The following DPP4 variants were observed in gnomAD, a reference collection of about 807,000 sequenced individuals.
DPP4 encodes the protein ADCP-2.
A neutral mutation model predicts 122.4 loss-of-function variants in DPP4; 93 were observed. The ratio of observed to expected loss-of-function variants is 0.76; its 90% CI spans 0.64 to 0.90. The LOEUF (loss-of-function observed/expected upper bound fraction) is 0.90, where lower values mean the gene tolerates loss of function less well. DPP4 is among the 40% of genes least tolerant of loss of function. The pLI is 0.00. For synonymous variants in DPP4, 321 were observed against 302.9 expected (o/e 1.06, Z -0.62); for missense variants, 914 against 907.3 (o/e 1.01, Z -0.09).
At chr2:162,041,234 A>C (rs1449029725) in intron 5 of DPP4, among the ~76,000 whole-genome samples, 1 of 152,160 alleles carries the variant, frequency 6.6e-6, no homozygotes. Flanking sequence ...GCATATAAAA[A>C]TTAAAGGTAT....
At chr2:162,037,411 G>C (rs1187083463) in intron 8 of DPP4, among the ~76,000 whole-genome samples, 1 of 152,098 alleles carries the variant, frequency 6.6e-6, no homozygotes, top group Non-Finnish European at 1.5e-5. Context: ...CTTATTTCTA[G>C]GACATGAAAA....
chr2:162,047,697 G>A (rs546174264), intron 2 of DPP4, among the ~76,000 whole-genome samples, 196 bp from the exon 3 acceptor site: 1 of 152,292 alleles, frequency 6.6e-6, no homozygotes, highest in East Asian at 1.9e-4. Flanking sequence ...TGAAGTGTGT[G>A]AGAGTGTGTG....
At chr2:162,022,102 A>G (rs1235876690) in intron 12 of DPP4, among the ~76,000 whole-genome samples, 5 of 152,216 alleles carry the variant, frequency 3.3e-5, no homozygotes. Flanking sequence ...GCAAGGTGAC[A>G]TGATGACTGG....
intron 20 of DPP4, among the ~76,000 whole-genome samples, chr2:162,010,178 T>C (rs1353221982): frequency 6.6e-6 from 1 of 152,150 alleles, no homozygotes; most frequent in Non-Finnish European, 1.5e-5. Context: ...CTTTGTAAAA[T>C]TGAAGGAGGC....
chr2:162,060,084 G>A (rs988592361), intron 2 of DPP4, among the ~76,000 whole-genome samples: 3 of 152,182 alleles, frequency 2.0e-5, no homozygotes, highest in Admixed American at 1.3e-4. Flanking sequence ...GCAATATGGC[G>A]CCAAAGCCTG....
chr2:162,013,223 A>G (rs551021055), intron 19 of DPP4, among the ~76,000 whole-genome samples: 1 of 152,226 alleles, frequency 6.6e-6, no homozygotes, highest in East Asian at 1.9e-4. Context: ...ATTTTTTAAA[A>G]CCTTTTCTAA....
intron 2 of DPP4, among the ~76,000 whole-genome samples, chr2:162,052,197 A>C (rs1046351174): frequency 2.6e-5 from 4 of 151,914 alleles, no homozygotes; most frequent in Non-Finnish European, 5.9e-5. Context: ...ACATGTCTGC[A>C]ATCCCAGCTA....
intron 2 of DPP4, among the ~76,000 whole-genome samples, chr2:162,050,944 C>T (rs777516364): frequency 1.3e-5 from 2 of 152,174 alleles, no homozygotes; most frequent in Non-Finnish European, 2.9e-5. Context: ...TTTCTTAGTT[C>T]GGCCTGGGAC....
At chr2:162,038,117 T>C (rs1283414039) in intron 8 of DPP4, among the ~76,000 whole-genome samples, 185 bp downstream of exon 8, 3 of 152,194 alleles carry the variant, frequency 2.0e-5, no homozygotes, top group Non-Finnish European at 4.4e-5. Context: ...AGAGGAGTGC[T>C]AGGAATAGTT....
intron 2 of DPP4, among the ~76,000 whole-genome samples, chr2:162,067,965 C>A (rs1685004249): frequency 6.6e-6 from 1 of 152,150 alleles, no homozygotes; most frequent in African/African-American, 2.4e-5. Context: ...TACTTGCAAA[C>A]CCCTAAACTT....
rs1442776985 is a variant in DPP4, at chr2:162,011,849, A to G, written c.1776T>C (p.His592=). 5 of 1,613,732 alleles carry G rather than the reference A, an allele frequency of 3.1e-6. No homozygotes were observed. The African/African-American group carries it at 4.0e-5, about 13-fold the overall frequency. The change falls in exon 20 of 26, where the codon CAT becomes CAC. Residue 592 remains histidine, a synonymous_variant. Coordinates refer to ENST00000360534, the MANE Select transcript of DPP4 (RefSeq NM_001935.4). ...GSGYQGDKIM[H]AINRRLGTFE... ...ATGTTCCCAGTCTTCTGTTGATTGC[A>G]TGCATGATCTTATCTCCTTGGTAAC...
At chr2:162,059,152 C>T (rs1367765093) in intron 2 of DPP4, among the ~76,000 whole-genome samples, 2 of 152,196 alleles carry the variant, frequency 1.3e-5, no homozygotes, top group Non-Finnish European at 2.9e-5. Flanking sequence ...CTGCCTGGTT[C>T]CCTCTGCTAT....
intron 2 of DPP4, 62 bp downstream of exon 2, chr2:162,073,337 G>A: frequency 2.6e-6 from 4 of 1,549,910 alleles, no homozygotes; most frequent in Non-Finnish European, 3.6e-6. Flanking sequence ...CCCTTAGCGT[G>A]GTAAGACGGA....
chr2:161,998,427 C>T (rs1360529402), intron 23 of DPP4, among the ~76,000 whole-genome samples: 3 of 152,094 alleles, frequency 2.0e-5, no homozygotes, highest in Admixed American at 6.5e-5. Flanking sequence ...GCTCTTTGCT[C>T]GCGGAAGACA....
chr2:162,060,461 C>CT (rs1463308908), intron 2 of DPP4, among the ~76,000 whole-genome samples: 1 of 152,180 alleles, frequency 6.6e-6, no homozygotes, highest in Admixed American at 6.5e-5. Context: ...CTTTCATCAT[C>CT]TTTTTCCTGA....
chr2:162,015,228 T>A (rs1682866699), intron 18 of DPP4, among the ~76,000 whole-genome samples: 1 of 152,222 alleles, frequency 6.6e-6, no homozygotes. Flanking sequence ...GGCAAAAAAA[T>A]TCTTATCTCT....
rs1317853266 is a variant in DPP4 at position 162,047,007 on chromosome 2, C to A, written c.194-1G>T. Reference sequence around the variant, plus strand: ...TCTTGTTTGTAGAGATATTCATGATCTAAAGAGAGAAAACACCCAGATCAA... The same window carrying A: ...TCTTGTTTGTAGAGATATTCATGATATAAAGAGAGAAAACACCCAGATCAA... On this transcript the variant is annotated splice_acceptor_variant, in intron 3 of 25. Coordinates refer to ENST00000360534, the MANE Select transcript of DPP4 (RefSeq NM_001935.4). LOFTEE classifies it high-confidence loss of function. 6.6e-7 allele frequency: 1 copy of A among 1,523,650 alleles called. No individual in the cohort carries two copies. Among genetic ancestry groups the A allele is most frequent in the Non-Finnish European group, 9.0e-7 (1 of 1,107,726 alleles). 94.4% of individuals were successfully genotyped at this position (1,523,650 alleles called of 1,614,324 possible).
intron 23 of DPP4, among the ~76,000 whole-genome samples, chr2:162,005,346 A>T (rs1701257360): frequency 6.6e-6 from 1 of 152,212 alleles, no homozygotes; most frequent in Admixed American, 6.5e-5. Flanking sequence ...TGAGTAAGAA[A>T]ATTATAGTCT....
intron 10 of DPP4, among the ~76,000 whole-genome samples, chr2:162,033,303 G>A (rs1183498120): frequency 1.3e-5 from 2 of 152,004 alleles, no homozygotes; most frequent in African/African-American, 4.8e-5. Context: ...TTTGAATGTA[G>A]GCTCCATAAC....
Sources: allele counts gnomAD v4.1 joint callset (sites outside exome capture counted in the v4.1 genomes callset), GRCh38; gene constraint gnomAD v4.1.1; transcripts MANE v1.5; gene names NCBI Gene and HGNC (gene_info 2026-07-23, HGNC 2026-07-21).